ATP2B1: variants seen among roughly 807,000 people sequenced by gnomAD.
ATP2B1 encodes ATPase plasma membrane Ca2+ transporting 1.
Under a neutral mutation model 124.2 loss-of-function variants are expected in ATP2B1, and 14 were observed. The ratio of observed to expected loss-of-function variants is 0.11; its 90% CI spans 0.07 to 0.18. ATP2B1 has a LOEUF of 0.18. ATP2B1 is among the 10% of genes least tolerant of loss of function. The pLI is 1.00. For synonymous variants in ATP2B1, 449 were observed against 492.4 expected, an observed-to-expected ratio of 0.91 and a Z score of 1.17; for missense variants, 763 against 1,466.1, an observed-to-expected ratio of 0.52 and a Z score of 7.83.
At chr12:89,599,601 G>A (rs1293283566) in intron 19 of ATP2B1, among the ~76,000 whole-genome samples, 1 of 151,924 alleles carries the variant, frequency 6.6e-6, no homozygotes, top group Non-Finnish European at 1.5e-5. Flanking sequence ...TCTGATATAT[G>A]TATTTACTTA....
rs368091161 is a variant in ATP2B1 at position 89,642,141 on chromosome 12, TC to T, written c.406+16del. 47 of 1,594,284 alleles carry T rather than the reference TC, an allele frequency of 2.9e-5. No homozygotes were observed. Among genetic ancestry groups the T allele is most frequent in the African/African-American group, 2.8e-4 (21 of 74,210 alleles). On this transcript the variant is annotated intron_variant, in intron 3 of 20. Coordinates refer to ENST00000428670, the MANE Select transcript of ATP2B1 (RefSeq NM_001366521.1). ...GAACTAGCATCAGACATGTCTTTTT[TC>T]CCCCCATTTACTTACGTGCATTATC...
At chr12:89,628,088 A>G (rs1291692804) in intron 6 of ATP2B1, among the ~76,000 whole-genome samples, 2 of 152,130 alleles carry the variant, frequency 1.3e-5, no homozygotes, top group East Asian at 3.9e-4. Context: ...GTAGAGAGGG[A>G]GGAGGAAGGG....
rs528192950 is a variant in ATP2B1, at chr12:89,683,437, C to G, written c.-222+25159G>C. ...TCTTCGGATATGCCCTATCAGAAATCAGGCTCCCAATTCCGTAAAGAAGCG... is the reference window on the plus strand; with the variant it reads ...TCTTCGGATATGCCCTATCAGAAATGAGGCTCCCAATTCCGTAAAGAAGCG... On this transcript the variant is annotated intron_variant, in intron 1 of 20. Transcript: ENST00000428670. 3.9e-5 allele frequency among the ~76,000 whole-genome samples: 6 copies of G among 152,326 alleles called. No individual in the cohort carries two copies. The East Asian group carries it at 1.2e-3, about 29-fold the overall frequency.
At chr12:89,666,304 T>C (rs1461725915) in intron 1 of ATP2B1, among the ~76,000 whole-genome samples, 1 of 152,180 alleles carries the variant, frequency 6.6e-6, no homozygotes, top group Non-Finnish European at 1.5e-5. Context: ...CTTCAAACTC[T>C]CTGGTTTCAC....
chr12:89,591,189 T>A lies in ATP2B1; in HGVS notation c.3458A>T (p.Glu1153Val), dbSNP rs777051043. 2.0e-5 allele frequency: 33 copies of A among 1,613,196 alleles called. No individual in the cohort carries two copies. Among genetic ancestry groups the A allele is most frequent in the Admixed American group, 1.3e-4 (8 of 59,934 alleles). Reference sequence around the variant, plus strand: ...AAGGGGGATATGAGGCTCTGAATCTTCTATCCTAAACTCAGGATGTGTCAT... The same window carrying A: ...AAGGGGGATATGAGGCTCTGAATCTACTATCCTAAACTCAGGATGTGTCAT... ...NFMTHPEFRI[E>V]DSEPHIPLID... The change falls in exon 21 of 21, where the codon GAA (glutamate) becomes GTA (valine). Residue 1153 changes from glutamate (E) to valine (V), a missense_variant. Glu to Val is a moderately radical substitution (Grantham distance 121). Around this residue, in one of 7 missense-constraint regions of ATP2B1, gnomAD observed 97 missense variants for 94.7 expected, o/e 1.02. Transcript: ENST00000428670.
rs749020052 is a variant in ATP2B1 at position 89,603,070 on chromosome 12, T to C, written c.3033A>G (p.Thr1011=). ...EGIFNNAIFC[T]IVLGTFVVQI... ...GTACCACAAAAGTGCCTAAAACAAT[T>C]GTGCAGAAGATGGCATTGTTAAAGA... Residue 1011 remains threonine, a synonymous_variant, in exon 18 of 21, where the codon ACA becomes ACG. Transcript: ENST00000428670. The surrounding 1 kb of genome is among the most constrained non-coding windows in gnomAD (Gnocchi z 4.3). 9.5e-5 allele frequency: 154 copies of C among 1,613,714 alleles called. No homozygotes were observed. The highest frequency in any genetic ancestry group is 1.3e-4 in the Non-Finnish European group (149 of 1,179,876).
At chr12:89,675,169 GCAT>G (rs1210921243) in intron 1 of ATP2B1, among the ~76,000 whole-genome samples, 1 of 152,074 alleles carries the variant, frequency 6.6e-6, no homozygotes, top group African/African-American at 2.4e-5. Context: ...TATGTGAAAG[GCAT>G]CATATTACAC....
intron 1 of ATP2B1, among the ~76,000 whole-genome samples, chr12:89,693,547 G>T (rs1258306115): frequency 6.6e-6 from 1 of 152,162 alleles, no homozygotes; most frequent in Non-Finnish European, 1.5e-5. Flanking sequence ...CACAGCCGTT[G>T]CTTTTTAACC....
At chr12:89,692,044 A>G (rs1890612576) in intron 1 of ATP2B1, among the ~76,000 whole-genome samples, 1 of 152,152 alleles carries the variant, frequency 6.6e-6, no homozygotes, top group African/African-American at 2.4e-5. Context: ...AAAAATAAAA[A>G]TTAAAAACAC....
At chr12:89,598,517 A>C in intron 20 of ATP2B1, 1 of 1,454,224 alleles carries the variant, frequency 6.9e-7, no homozygotes, top group Non-Finnish European at 9.3e-7. Context: ...TCAAACATTA[A>C]GGAGAAAATG....
chr12:89,691,987 T>C (rs992943468), intron 1 of ATP2B1, among the ~76,000 whole-genome samples: 3 of 152,124 alleles, frequency 2.0e-5, no homozygotes, highest in Non-Finnish European at 2.9e-5. Flanking sequence ...AAGGATGGTG[T>C]TTCCTTTTCA....
In ATP2B1 at chr12:89,593,773, C is replaced by T. The variant is rs553450807; in HGVS notation, c.3352-2478G>A. 4 of 152,046 alleles carry T rather than the reference C, an allele frequency of 2.6e-5. No homozygotes were observed. The East Asian group carries it at 7.7e-4, about 29-fold the overall frequency. The allele number at this position is 152,046 out of a possible 1,614,324, so 9.4% of individuals were successfully genotyped here. A position where few individuals can be genotyped will look rare whatever the true frequency, so the allele number is the denominator to read the frequency against. ...AAACTTCAATTCTGAGAAGATTTTT[C>T]CTATCTGAATTTGTTGAACAATATT... is the stretch of plus-strand genomic sequence containing the variant. On this transcript the variant is annotated intron_variant, in intron 20 of 20. Coordinates refer to ENST00000428670, the MANE Select transcript of ATP2B1 (RefSeq NM_001366521.1).
chr12:89,614,676 A>G (rs1878646343), intron 12 of ATP2B1, among the ~76,000 whole-genome samples: 1 of 152,196 alleles, frequency 6.6e-6, no homozygotes, highest in Non-Finnish European at 1.5e-5. Flanking sequence ...TAGTTTCATC[A>G]GTGATTTCTT....
intron 2 of ATP2B1, among the ~76,000 whole-genome samples, chr12:89,652,915 G>T (rs1885440900): frequency 6.6e-6 from 1 of 152,126 alleles, no homozygotes. Context: ...TATTTGCAGA[G>T]ATGGGGTTTT....
At chr12:89,594,367 ATATT>A (rs1387023290) in intron 20 of ATP2B1, 2 of 152,022 alleles carry the variant, frequency 1.3e-5, no homozygotes, top group Non-Finnish European at 2.9e-5. Context: ...GAAGGAAACT[ATATT>A]AATAATAATT....
At chr12:89,695,660 T>C (rs902584069) in intron 1 of ATP2B1, among the ~76,000 whole-genome samples, 3 of 152,058 alleles carry the variant, frequency 2.0e-5, no homozygotes, top group African/African-American at 2.4e-5. Context: ...AAAAGATAGA[T>C]ACATTAATCT....
intron 20 of ATP2B1, among the ~76,000 whole-genome samples, chr12:89,597,860 A>C (rs966785712): frequency 2.0e-5 from 3 of 152,010 alleles, no homozygotes; most frequent in Non-Finnish European, 4.4e-5. Flanking sequence ...TTCAACGATT[A>C]ATCAATAGTA....
At position 89,603,323 on chromosome 12, in the gene ATP2B1, T is replaced by A; in HGVS notation, c.2849-69A>T. The A allele has an allele frequency of 7.8e-7, 1 of 1,289,474 alleles. No individual in the cohort carries two copies. The highest frequency in any genetic ancestry group is 1.5e-5 in the African/African-American group (1 of 66,680). 79.9% of individuals were successfully genotyped at this position (1,289,474 alleles called of 1,614,324 possible). On this transcript the variant is annotated intron_variant, in intron 17 of 20. Coordinates refer to ENST00000428670, the MANE Select transcript of ATP2B1 (RefSeq NM_001366521.1). The surrounding 1 kb of genome is among the most constrained non-coding windows in gnomAD (Gnocchi z 4.3). The stretch of plus-strand genomic sequence containing the variant: ...TTAGATTTCAAGGAGGTATACAAAT[T>A]ACAACTTAGCTAGACCTTTTATTTG...
chr12:89,615,908 A>T (rs992484033), intron 12 of ATP2B1, among the ~76,000 whole-genome samples: 1 of 150,752 alleles, frequency 6.6e-6, no homozygotes, highest in Non-Finnish European at 1.5e-5. Flanking sequence ...TCTGCCAAAT[A>T]AGAGTAATAA....
Sources: allele counts gnomAD v4.1 joint callset (sites outside exome capture counted in the v4.1 genomes callset), GRCh38; gene constraint gnomAD v4.1.1; regional missense constraint gnomAD v4.1.1; non-coding constraint Gnocchi (gnomAD v3.1); transcripts MANE v1.5; gene names NCBI Gene and HGNC (gene_info 2026-07-23, HGNC 2026-07-21).